Variants in KIF21A observed in about 807,000 individuals in gnomAD.
KIF21A encodes the protein kinesin family member 21A, also known as kinesin-like protein KIF21A.
A neutral mutation model predicts 202.9 loss-of-function variants in KIF21A; 114 were observed. The observed-to-expected ratio is 0.56, with a 90% confidence interval of 0.48 to 0.66. The LOEUF (loss-of-function observed/expected upper bound fraction) is 0.66, where lower values mean the gene tolerates loss of function less well. KIF21A is among the 30% of genes least tolerant of loss of function. KIF21A has a pLI of 0.00. For synonymous variants in KIF21A, 667 were observed against 670.8 expected (o/e 0.99, Z 0.09); for missense variants, 1,677 against 1,994.9 (o/e 0.84, Z 3.04).
intron 1 of KIF21A, among the ~76,000 whole-genome samples, chr12:39,385,585 T>C (rs1286977652): frequency 6.6e-6 from 1 of 152,184 alleles, no homozygotes; most frequent in African/African-American, 2.4e-5. Context: ...AGAATGTGTA[T>C]ACAAATGAAG....
At chr12:39,402,965 T>C (rs533549786) in intron 1 of KIF21A, among the ~76,000 whole-genome samples, 1 of 152,340 alleles carries the variant, frequency 6.6e-6, no homozygotes, top group Non-Finnish European at 1.5e-5. Flanking sequence ...ATCATATGAT[T>C]GTTGTGCTGG....
At chr12:39,411,952 A>C (rs1293451097) in intron 1 of KIF21A, among the ~76,000 whole-genome samples, 1 of 151,986 alleles carries the variant, frequency 6.6e-6, no homozygotes, top group East Asian at 1.9e-4. Flanking sequence ...CTCCTGCCTC[A>C]GCCTGCTGAG....
rs1942031248 is a variant in KIF21A, at chr12:39,293,500, A to T, written c.*924T>A. On this transcript the variant is annotated 3_prime_UTR_variant, in exon 38 of 38. Transcript: ENST00000361418. Reference sequence around the variant, plus strand: ...TCTACCTATTTACATAGCTTTTCCCACCACAGATGATAATAGCTCTCATCA... The same window carrying T: ...TCTACCTATTTACATAGCTTTTCCCTCCACAGATGATAATAGCTCTCATCA... 1 of 152,578 alleles carries T rather than the reference A, an allele frequency of 6.6e-6. No individual in the cohort carries two copies. The highest frequency in any genetic ancestry group is 1.5e-5 in the Non-Finnish European group (1 of 68,012). 9.5% of individuals were successfully genotyped at this position (152,578 alleles called of 1,614,324 possible).
intron 36 of KIF21A, 85 bp downstream of exon 36, chr12:39,302,880 T>A: frequency 8.8e-7 from 1 of 1,135,714 alleles, no homozygotes; most frequent in Non-Finnish European, 1.3e-6. Context: ...GATAAAAATC[T>A]ACATAGAAGC....
chr12:39,377,880 C>A (rs973087343), intron 1 of KIF21A, among the ~76,000 whole-genome samples: 36 of 152,264 alleles, frequency 2.4e-4, no homozygotes, highest in African/African-American at 8.7e-4. Context: ...TAAAAGCAAT[C>A]CAGAAATCTT....
At chr12:39,369,957 C>A (rs768120200) in intron 2 of KIF21A, 46 bp from the exon 3 acceptor site, 7 of 1,595,756 alleles carry the variant, frequency 4.4e-6, no homozygotes, top group Non-Finnish European at 6.0e-6. Context: ...CTTAACATAA[C>A]CTTAAGAAAC....
chr12:39,352,010 A>G (rs1315671707), intron 10 of KIF21A, 30 bp from the exon 11 acceptor site: 9 of 1,493,718 alleles, frequency 6.0e-6, no homozygotes, highest in Non-Finnish European at 8.4e-6. Flanking sequence ...TTAAATAGGG[A>G]GCATTTTTCT....
intron 20 of KIF21A, 64 bp from the exon 21 acceptor site, chr12:39,332,472 A>ATGCCC: frequency 7.5e-7 from 1 of 1,338,184 alleles, no homozygotes; most frequent in Non-Finnish European, 1.1e-6. Flanking sequence ...AGTACCATCA[A>ATGCCC]ACCCCCCCAC....
At chr12:39,332,560 G>T in intron 20 of KIF21A, 31 bp downstream of exon 20, 2 of 1,592,336 alleles carry the variant, frequency 1.3e-6, no homozygotes. Flanking sequence ...GTTAGCTAAG[G>T]GGGAGCGTAT....
At chr12:39,383,296 T>C (rs1270424698) in intron 1 of KIF21A, among the ~76,000 whole-genome samples, 3 of 152,230 alleles carry the variant, frequency 2.0e-5, no homozygotes, top group South Asian at 4.1e-4. Context: ...GTATTAGGAA[T>C]TGAATAAAAA....
chr12:39,399,439 T>C (rs916958881), intron 1 of KIF21A, among the ~76,000 whole-genome samples: 1 of 152,136 alleles, frequency 6.6e-6, no homozygotes, highest in African/African-American at 2.4e-5. Context: ...TATCTATCCC[T>C]AAATAGAGAC....
chr12:39,320,872 C>T (rs758823128), intron 27 of KIF21A, among the ~76,000 whole-genome samples: 8 of 132,604 alleles, frequency 6.0e-5, no homozygotes, highest in Non-Finnish European at 7.6e-5. Flanking sequence ...GAGGCAGAGA[C>T]TGCAGTGAGC....
intron 9 of KIF21A, 35 bp downstream of exon 9, chr12:39,357,213 G>A (rs775611817): frequency 6.3e-7 from 1 of 1,584,034 alleles, no homozygotes; most frequent in Non-Finnish European, 8.7e-7. Flanking sequence ...CCCTCCAGAA[G>A]TTAATCCCTC....
chr12:39,364,645 AC>A (rs1949480630), intron 6 of KIF21A, among the ~76,000 whole-genome samples: 1 of 152,080 alleles, frequency 6.6e-6, no homozygotes, highest in African/African-American at 2.4e-5. Context: ...GACACCACAC[AC>A]TCTATAACTG....
In KIF21A at chr12:39,358,288, T is replaced by C. The variant is rs766620026; in HGVS notation, c.1105A>G (p.Arg369Gly). ...LNTLKYANRA[R>G]NIKNKVMVNQ... ...ACCATCACCTTATTCTTGATATTTC[T>C]AGCTCGATTGGCGTATTTCAGGGTG... Residue 369 changes from arginine to glycine, a missense_variant, in exon 8 of 38, where the codon AGA becomes GGA. By Grantham distance (125) the Arg-to-Gly change is moderately radical (BLOSUM62 -2). Transcript: ENST00000361418. The C allele has an allele frequency of 6.2e-7, 1 of 1,614,108 alleles. No homozygotes were observed. Among genetic ancestry groups the C allele is most frequent in the South Asian group, 1.1e-5 (1 of 91,078 alleles).
At chr12:39,347,460 A>G (rs923433640) in intron 11 of KIF21A, among the ~76,000 whole-genome samples, 1 of 152,006 alleles carries the variant, frequency 6.6e-6, no homozygotes, top group Admixed American at 6.6e-5. Flanking sequence ...GGCAACTTTG[A>G]TATAGAACAC....
At chr12:39,397,704 G>C (rs1286700066) in intron 1 of KIF21A, among the ~76,000 whole-genome samples, 1 of 152,192 alleles carries the variant, frequency 6.6e-6, no homozygotes, top group Non-Finnish European at 1.5e-5. Flanking sequence ...TGTTGTAGTA[G>C]TAGGGCCCTG....
chr12:39,442,798 G>T lies in KIF21A; in HGVS notation c.44+129C>A. 1 of 1,204,024 alleles carries T rather than the reference G, an allele frequency of 8.3e-7. No homozygotes were observed. The highest frequency in any genetic ancestry group is 1.2e-6 in the Non-Finnish European group (1 of 864,192). The allele number at this position is 1,204,024 out of a possible 1,614,324, so 74.6% of individuals were successfully genotyped here. ...GGGACTCACTGCCTCAGTTTCCTCA[G>T]CCGCAGAACCCGGCCGGGACGCCCC... On this transcript the variant is annotated intron_variant, in intron 1 of 37. Transcript: ENST00000361418. This position sits in a 1 kb window ranked among gnomAD's most constrained non-coding sequence, Gnocchi z 5.0.
chr12:39,361,591 C>T (rs1310486547), intron 7 of KIF21A, among the ~76,000 whole-genome samples: 1 of 139,544 alleles, frequency 7.2e-6, no homozygotes, highest in Non-Finnish European at 1.5e-5. Context: ...GCACGATCTC[C>T]GCCTCCTGGG....
Sources: allele counts gnomAD v4.1 joint callset (sites outside exome capture counted in the v4.1 genomes callset), GRCh38; gene constraint gnomAD v4.1.1; non-coding constraint Gnocchi (gnomAD v3.1); transcripts MANE v1.5; gene names NCBI Gene and HGNC (gene_info 2026-07-23, HGNC 2026-07-21).